The following FKTN variants were observed in gnomAD, a reference collection of about 807,000 sequenced individuals.
The protein encoded by FKTN is fukutin, also known as ribitol-5-phosphate transferase FKTN.
A neutral mutation model predicts 58.6 loss-of-function variants in FKTN; 47 were observed. The observed-to-expected ratio is 0.80, with a 90% CI of 0.63 to 1.02. The LOEUF (loss-of-function observed/expected upper bound fraction) is 1.02, where lower values mean the gene tolerates loss of function less well. Among genes scored for constraint, FKTN ranks in the 50% least tolerant of loss-of-function variants. The pLI is 0.00. For synonymous variants in FKTN, 178 were observed against 191.9 expected (o/e 0.93, Z 0.60); for missense variants, 516 against 537.3 (o/e 0.96, Z 0.39).
intron 7 of FKTN, among the ~76,000 whole-genome samples, chr9:105,609,310 A>G (rs995744299): frequency 7.2e-5 from 11 of 152,176 alleles, no homozygotes; most frequent in Non-Finnish European, 1.2e-4. Flanking sequence ...AGCAATTTTA[A>G]ATACATAAAA....
chr9:105,634,925 T>C lies in FKTN; in HGVS notation c.1173-126T>C. ...CTGGACAGTCAAAAATAATTAAATA[T>C]CCACTCTCTTCCCAAAGCTGTGTAA... On this transcript the variant is annotated intron_variant, in intron 10 of 10. Coordinates refer to ENST00000357998, the MANE Select transcript of FKTN (RefSeq NM_001079802.2). 8.7e-6 allele frequency: 7 copies of C among 802,682 alleles called. No homozygotes were observed. In the South Asian group the frequency reaches 9.7e-5, roughly 11 times the overall value. 49.7% of individuals were successfully genotyped at this position (802,682 alleles called of 1,614,324 possible). A position where few individuals can be genotyped will look rare whatever the true frequency, so the allele number is the denominator to read the frequency against.
chr9:105,579,710 C>T (rs879573013), intron 3 of FKTN, among the ~76,000 whole-genome samples: 2 of 142,496 alleles, frequency 1.4e-5, no homozygotes, highest in Middle Eastern at 3.4e-3. Flanking sequence ...AGTTCAATTC[C>T]TGGGTATCCT....
At chr9:105,582,460 T>G (rs1843176610) in intron 3 of FKTN, among the ~76,000 whole-genome samples, 1 of 152,168 alleles carries the variant, frequency 6.6e-6, no homozygotes, top group Non-Finnish European at 1.5e-5. Context: ...GCTCCCAAAG[T>G]GCTGGGATTA....
intron 1 of FKTN, among the ~76,000 whole-genome samples, chr9:105,566,491 A>G (rs1157731173): frequency 1.3e-5 from 2 of 152,234 alleles, no homozygotes; most frequent in African/African-American, 2.4e-5. Context: ...CCACCGAAAT[A>G]CAAACTACCA....
chr9:105,593,845 G>A (rs1845348800), intron 3 of FKTN, among the ~76,000 whole-genome samples: 1 of 152,182 alleles, frequency 6.6e-6, no homozygotes, highest in African/African-American at 2.4e-5. Flanking sequence ...CAATGTTCAG[G>A]TCATTGGTGA....
At chr9:105,620,926 G>GT (rs1228439786) in intron 10 of FKTN, among the ~76,000 whole-genome samples, 2 of 152,004 alleles carry the variant, frequency 1.3e-5, no homozygotes, top group Non-Finnish European at 2.9e-5. Context: ...GAGAACTTCT[G>GT]TAAGAGTGTC....
At chr9:105,572,195 T>C (rs1273264137) in intron 1 of FKTN, among the ~76,000 whole-genome samples, 1 of 151,494 alleles carries the variant, frequency 6.6e-6, no homozygotes, top group Non-Finnish European at 1.5e-5. Context: ...CACATCACTA[T>C]TGGTATTATT....
intron 5 of FKTN, 37 bp downstream of exon 5, chr9:105,601,385 T>C: frequency 7.2e-7 from 1 of 1,398,322 alleles, no homozygotes; most frequent in Non-Finnish European, 1.0e-6. Context: ...AATGTGTCTC[T>C]TTTTACAAAA....
chr9:105,567,232 T>G (rs980842886), intron 1 of FKTN, among the ~76,000 whole-genome samples: 2 of 152,176 alleles, frequency 1.3e-5, no homozygotes. Context: ...CTTTGAAAAC[T>G]GGCACAAGAC....
chr9:105,640,222 G>T lies in FKTN; in HGVS notation c.*4958G>T. On this transcript the variant is annotated 3_prime_UTR_variant, in exon 11 of 11. Coordinates refer to ENST00000357998, the MANE Select transcript of FKTN (RefSeq NM_001079802.2). ...GCAATACCTTTTGTATAGGTCCTGT[G>T]CTTAAAGGAGGCAAGTATAAATTTT... 6.9e-7 allele frequency: 1 copy of T among 1,440,848 alleles called. No homozygotes were observed. The highest frequency in any genetic ancestry group is 2.6e-5 in the Admixed American group (1 of 39,184). 89.3% of individuals were successfully genotyped at this position (1,440,848 alleles called of 1,614,324 possible). A position where few individuals can be genotyped will look rare whatever the true frequency, so the allele number is the denominator to read the frequency against.
chr9:105,634,616 A>G (rs1436186968), intron 10 of FKTN, among the ~76,000 whole-genome samples: 1 of 152,188 alleles, frequency 6.6e-6, no homozygotes, highest in Non-Finnish European at 1.5e-5. Flanking sequence ...TGGAAATGCA[A>G]CTTGGAGTCC....
intron 8 of FKTN, among the ~76,000 whole-genome samples, chr9:105,616,485 G>T (rs545363582): frequency 1.7e-4 from 26 of 152,084 alleles, no homozygotes; most frequent in Non-Finnish European, 3.7e-4. Context: ...CCTTAAGCAG[G>T]TTGCTATTAG....
At chr9:105,626,445 A>C (rs1254763042) in intron 10 of FKTN, among the ~76,000 whole-genome samples, 1 of 152,050 alleles carries the variant, frequency 6.6e-6, no homozygotes, top group Non-Finnish European at 1.5e-5. Context: ...CTTTTTTATA[A>C]AGTTTCCATT....
At chr9:105,617,561 A>T (rs1355660703) in intron 8 of FKTN, among the ~76,000 whole-genome samples, 1 of 152,240 alleles carries the variant, frequency 6.6e-6, no homozygotes, top group Non-Finnish European at 1.5e-5. Context: ...GTGTTATTAA[A>T]GCTAATGGTT....
At chr9:105,581,808 C>G (rs969672296) in intron 3 of FKTN, among the ~76,000 whole-genome samples, 6 of 152,294 alleles carry the variant, frequency 3.9e-5, no homozygotes, top group African/African-American at 1.4e-4. Context: ...GCTGGGCTAG[C>G]AATCAGCGAG....
At chr9:105,588,703 G>T (rs180856076) in intron 3 of FKTN, among the ~76,000 whole-genome samples, 2 of 152,302 alleles carry the variant, frequency 1.3e-5, no homozygotes, top group African/African-American at 4.8e-5. Context: ...CTTAGATGCA[G>T]ATCTGATCCA....
At chr9:105,608,078 T>C (rs1488844317) in intron 7 of FKTN, 127 bp downstream of exon 7, 1 of 749,164 alleles carries the variant, frequency 1.3e-6, no homozygotes, top group East Asian at 2.7e-5. Flanking sequence ...TTGATATGTC[T>C]CTTTTCTTCT....
intron 10 of FKTN, among the ~76,000 whole-genome samples, chr9:105,620,561 A>G (rs560830961): frequency 2.4e-4 from 37 of 152,100 alleles, no homozygotes; most frequent in African/African-American, 8.9e-4. Context: ...TTGCTGTTGA[A>G]TCTCAGCTCT....
Position 105,636,883 on chromosome 9 carries a change from C to T in FKTN, c.*1619C>T. The T allele has an allele frequency of 9.0e-7, 1 of 1,111,828 alleles. No individual in the cohort carries two copies. The highest frequency in any genetic ancestry group is 1.1e-6 in the Non-Finnish European group (1 of 884,784). The allele number at this position is 1,111,828 out of a possible 1,614,324, so 68.9% of individuals were successfully genotyped here. On this transcript the variant is annotated 3_prime_UTR_variant, in exon 11 of 11. Coordinates refer to ENST00000357998, the MANE Select transcript of FKTN (RefSeq NM_001079802.2). The stretch of plus-strand genomic sequence containing the variant: ...CGGATTTGTAAAGCAACATGAAAAC[C>T]TTTGATAAATGATAACCAACAGTCT...
Sources: allele counts gnomAD v4.1 joint callset (sites outside exome capture counted in the v4.1 genomes callset), GRCh38; gene constraint gnomAD v4.1.1; transcripts MANE v1.5; gene names NCBI Gene and HGNC (gene_info 2026-07-23, HGNC 2026-07-21).